Variants in STK32C observed in about 807,000 individuals in gnomAD.
The protein encoded by STK32C is serine/threonine kinase 32C.
Under a neutral mutation model 56.5 loss-of-function variants are expected in STK32C, and 31 were observed. The observed-to-expected ratio is 0.55, with a 90% CI of 0.41 to 0.74. STK32C has a LOEUF of 0.74. Ranked by LOEUF, STK32C falls within the 30% of genes least tolerant of loss-of-function variation. The pLI is 0.00. For synonymous variants in STK32C, 309 were observed against 289.4 expected, an observed-to-expected ratio of 1.07 and a Z score of -0.69; for missense variants, 544 against 676.9, an observed-to-expected ratio of 0.80 and a Z score of 2.18.
chr10:132,231,191 C>A (rs1214329478), intron 2 of STK32C, among the ~76,000 whole-genome samples: 2 of 152,202 alleles, frequency 1.3e-5, no homozygotes, highest in African/African-American at 2.4e-5. Flanking sequence ...AGAGCCACCT[C>A]GAGACAGGGC....
chr10:132,239,170 A>G (rs1285213077), intron 2 of STK32C, among the ~76,000 whole-genome samples: 1 of 152,182 alleles, frequency 6.6e-6, no homozygotes, highest in African/African-American at 2.4e-5. Flanking sequence ...GCTGGTGGGT[A>G]TTTTATAGAT....
chr10:132,269,042 T>C (rs2064722024), intron 1 of STK32C, among the ~76,000 whole-genome samples: 1 of 152,068 alleles, frequency 6.6e-6, no homozygotes, highest in Admixed American at 6.5e-5. Flanking sequence ...CCACATCGTG[T>C]GTGTGTGTCG....
intron 2 of STK32C, among the ~76,000 whole-genome samples, chr10:132,235,438 GTGA>G (rs1246223164): frequency 6.0e-4 from 59 of 98,004 alleles, no homozygotes; most frequent in Middle Eastern, 5.4e-3. Context: ...GGAGGTTGCA[GTGA>G]GCCGAGATTG....
downstream of STK32C, among the ~76,000 whole-genome samples, chr10:132,322,684 G>A (rs1261172126): frequency 6.6e-6 from 1 of 152,168 alleles, no homozygotes; most frequent in Non-Finnish European, 1.5e-5. Context: ...GAATTACTAA[G>A]CCCTTCCCAG....
downstream of STK32C, among the ~76,000 whole-genome samples, chr10:132,320,778 C>T (rs1379755266): frequency 6.6e-6 from 1 of 152,248 alleles, no homozygotes; most frequent in East Asian, 1.9e-4. Flanking sequence ...TGTTATAACC[C>T]CCGGCTCCTC....
chr10:132,212,926 G>A (rs2062358905), intron 10 of STK32C, among the ~76,000 whole-genome samples: 1 of 152,266 alleles, frequency 6.6e-6, no homozygotes, highest in African/African-American at 2.4e-5. Flanking sequence ...CTGGCCTGGA[G>A]CAGAACTGAT....
Position 132,235,493 on chromosome 10 carries a change from T to TCAAAAAAAAAAAAAAA in STK32C, c.319-7366_319-7365insTTTTTTTTTTTTTTTG, listed in dbSNP as rs1565091831. Among the ~76,000 whole-genome samples, 5 of 72,404 alleles carry TCAAAAAAAAAAAAAAA rather than the reference T, an allele frequency of 6.9e-5. 2 individuals are homozygous for TCAAAAAAAAAAAAAAA. Among genetic ancestry groups the TCAAAAAAAAAAAAAAA allele is most frequent in the African/African-American group, 1.0e-4 (2 of 19,790 alleles). The allele number at this position is 72,404 out of a possible 152,430, so 47.5% of individuals were successfully genotyped here. A position where few individuals can be genotyped will look rare whatever the true frequency, so the allele number is the denominator to read the frequency against. ...CCTGGCAACAGAGCAAGACTCAGCC[T>TCAAAAAAAAAAAAAAA]TAAAAAAAAAAAAAAAAAAAAGGAA... On this transcript the variant is annotated intron_variant, in intron 2 of 11. Transcript: ENST00000298630.
At chr10:132,264,764 A>G (rs932793739) in intron 1 of STK32C, among the ~76,000 whole-genome samples, 6 of 152,026 alleles carry the variant, frequency 3.9e-5, no homozygotes, top group Admixed American at 3.9e-4. Flanking sequence ...AGCAGACAGC[A>G]CAGTCTTCTT....
At position 132,281,007 on chromosome 10, in the gene STK32C, CCCCTGCACTCCGTGATCACGT is replaced by C. The variant is rs1228360065; in HGVS notation, c.262+26544_262+26564del. On this transcript the variant is annotated intron_variant, in intron 1 of 11. Coordinates refer to ENST00000298630, the MANE Select transcript of STK32C (RefSeq NM_173575.4). Reference sequence around the variant, plus strand: ...CACGCCCCTGCACTCCGTGATCACGCCCCTGCACTCCGTGATCACGTCCCTGCACTCCGTGATCACACCCCT... The same window carrying C: ...CACGCCCCTGCACTCCGTGATCACGCCCCTGCACTCCGTGATCACACCCCT... 3.2e-3 allele frequency among the ~76,000 whole-genome samples: 471 copies of C among 149,364 alleles called. 7 individuals are homozygous for C. The South Asian group carries it at 0.037, about 12-fold the overall frequency.
At position 132,229,606 on chromosome 10, in the gene STK32C, G is replaced by A. The variant is rs143445072; in HGVS notation, c.319-1478C>T. ...CTGGGATTTGGATGTGGGTGTTTTGGAGGCCATGATTCTGCCCCCAGAGGT... is the reference window on the plus strand; with the variant it reads ...CTGGGATTTGGATGTGGGTGTTTTGAAGGCCATGATTCTGCCCCCAGAGGT... On this transcript the variant is annotated intron_variant, in intron 2 of 11. Transcript: ENST00000298630. Among the ~76,000 whole-genome samples, 399 of 152,354 alleles carry A rather than the reference G, an allele frequency of 2.6e-3. 3 individuals carry two copies. Among genetic ancestry groups the A allele is most frequent in the African/African-American group, 6.5e-3 (270 of 41,584 alleles).
chr10:132,244,216 T>C (rs939854387), intron 2 of STK32C, among the ~76,000 whole-genome samples: 17 of 152,268 alleles, frequency 1.1e-4, no homozygotes, highest in African/African-American at 4.1e-4. Context: ...GAGGCCTAAC[T>C]GTGAGCCGGA....
At chr10:132,265,164 G>T (rs535069027) in intron 1 of STK32C, among the ~76,000 whole-genome samples, 20 of 140,040 alleles carry the variant, frequency 1.4e-4, no homozygotes, top group African/African-American at 4.3e-4. Context: ...GAGCTGCCAG[G>T]GCGGCGAGGT....
chr10:132,305,904 C>T (rs1191203642), intron 1 of STK32C, among the ~76,000 whole-genome samples: 2 of 152,180 alleles, frequency 1.3e-5, no homozygotes, highest in African/African-American at 2.4e-5. Flanking sequence ...GGCTGCATAC[C>T]AAGCCATACG....
chr10:132,208,175 G>A (rs2062158994), intron 11 of STK32C, 24 bp from the exon 12 acceptor site: 9 of 1,307,646 alleles, frequency 6.9e-6, no homozygotes, highest in Non-Finnish European at 8.8e-6. Flanking sequence ...AACACATGGA[G>A]GGCGTTATGC....
intron 1 of STK32C, among the ~76,000 whole-genome samples, chr10:132,249,977 C>T (rs914626314): frequency 5.9e-5 from 9 of 152,242 alleles, no homozygotes; most frequent in South Asian, 2.1e-4. Flanking sequence ...GTCCACCAGC[C>T]GGAATCTGTC....
At chr10:132,242,482 G>A (rs763207654) in intron 2 of STK32C, among the ~76,000 whole-genome samples, 1 of 152,232 alleles carries the variant, frequency 6.6e-6, no homozygotes, top group Middle Eastern at 3.4e-3. Context: ...CACTCCAAGA[G>A]GAACTGCCAG....
At chr10:132,321,947 A>G (rs1011933454), downstream of STK32C, among the ~76,000 whole-genome samples, 3 of 151,872 alleles carry the variant, frequency 2.0e-5, no homozygotes, top group Admixed American at 2.0e-4. Flanking sequence ...CCAAAGGGGG[A>G]ATTGTGGGGC....
At chr10:132,246,469 C>T (rs1312989759) in intron 1 of STK32C, among the ~76,000 whole-genome samples, 1 of 152,208 alleles carries the variant, frequency 6.6e-6, no homozygotes, top group Non-Finnish European at 1.5e-5. Flanking sequence ...GGGGAGTCTG[C>T]AAACGGCCCC....
intron 8 of STK32C, among the ~76,000 whole-genome samples, chr10:132,223,731 G>A (rs2062769414): frequency 6.6e-6 from 1 of 152,142 alleles, no homozygotes; most frequent in Non-Finnish European, 1.5e-5. Context: ...GAGACACGGG[G>A]GCCGGGAGGC....
Sources: gnomAD v4.1 joint callset for allele counts (sites outside exome capture counted in the v4.1 genomes callset) on GRCh38, gnomAD v4.1.1 for gene constraint, MANE v1.5 for transcripts, NCBI Gene and HGNC (gene_info 2026-07-23, HGNC 2026-07-21) for gene names.